Variants in COL5A1 observed in about 807,000 individuals in gnomAD.
COL5A1 encodes collagen alpha-1(V) chain.
Under a neutral mutation model 263.7 loss-of-function variants are expected in COL5A1, and 16 were observed. That is an observed-to-expected ratio of 0.06 (90% CI 0.04 to 0.09). The LOEUF is 0.09. COL5A1 is among the 10% of genes least tolerant of loss of function. COL5A1 has a pLI of 1.00. For missense variants in COL5A1, 2,036 were observed against 2,540.5 expected (o/e 0.80, Z 4.27); for synonymous variants, 1,012 against 1,004.5 (o/e 1.01, Z -0.14).
At chr9:134,725,908 T>C (rs1414620371) in intron 4 of COL5A1, among the ~76,000 whole-genome samples, 4 of 152,378 alleles carry the variant, frequency 2.6e-5, no homozygotes, top group South Asian at 2.1e-4. Flanking sequence ...AATGCTACTA[T>C]GAACACTTGT....
At chr9:134,687,458 T>TC (rs1423041419) in intron 1 of COL5A1, among the ~76,000 whole-genome samples, 283 of 140,248 alleles carry the variant, frequency 2.0e-3, no homozygotes, top group African/African-American at 7.1e-3. Context: ...CATCCATCCA[T>TC]CATCCATCCA....
intron 44 of COL5A1, 83 bp from the exon 45 acceptor site, chr9:134,811,256 C>T (rs906478066): frequency 2.3e-5 from 30 of 1,287,480 alleles, no homozygotes; most frequent in Non-Finnish European, 2.9e-5. Flanking sequence ...CATCAGTCCC[C>T]GGGCTCAGGA....
chr9:134,806,256 C>A lies in COL5A1; in HGVS notation c.3326C>A (p.Pro1109His), dbSNP rs1482501113. ...ATCGGAATTCCAGGGAGACCTGGGC[C>A]CCAGGGACCCCCAGGGCCGGCAGGA... ...GPIGIPGRPG[P>H]QGPPGPAGEK... is the part of the protein sequence containing the mutation. Residue 1109 changes from proline to histidine, a missense_variant, in exon 42 of 66, where the codon CCC becomes CAC. Pro to His is a moderately conservative substitution (Grantham distance 77, BLOSUM62 -2). This residue lies in a region of COL5A1 where 1,078 missense variants were observed against 1,521.4 expected (regional missense o/e 0.71). Coordinates refer to ENST00000371817, the MANE Select transcript of COL5A1 (RefSeq NM_000093.5). 3.2e-6 allele frequency: 5 copies of A among 1,549,740 alleles called. No homozygotes were observed. The highest frequency in any genetic ancestry group is 3.5e-6 in the Non-Finnish European group (4 of 1,146,832).
At chr9:134,740,761 C>T (rs1835272110) in intron 11 of COL5A1, among the ~76,000 whole-genome samples, 1 of 152,044 alleles carries the variant, frequency 6.6e-6, no homozygotes, top group Non-Finnish European at 1.5e-5. Flanking sequence ...GGTGGCCCTG[C>T]CAGTGCCTTG....
At chr9:134,707,151 G>T (rs1028619063) in intron 4 of COL5A1, among the ~76,000 whole-genome samples, 1 of 152,210 alleles carries the variant, frequency 6.6e-6, no homozygotes, top group Admixed American at 6.5e-5. Flanking sequence ...ATGACCAGGA[G>T]GGGGGCCGTG....
rs1838730428 is a variant in COL5A1, at chr9:134,815,992, A to G, written c.4122+4A>G. 6.2e-7 allele frequency: 1 copy of G among 1,614,062 alleles called. No homozygotes were observed. Among genetic ancestry groups the G allele is most frequent in the Admixed American group, 1.7e-5 (1 of 60,022 alleles). On this transcript the variant is annotated splice_donor_region_variant and intron_variant, in intron 52 of 65. Coordinates refer to ENST00000371817, the MANE Select transcript of COL5A1 (RefSeq NM_000093.5). ...TGATGGTGAACCCGGGCAGACGGTG[A>G]GTCCACAATCTGGGCTGGCTTCCTG...
chr9:134,663,161 C>T (rs951406825), intron 1 of COL5A1, among the ~76,000 whole-genome samples: 3 of 152,184 alleles, frequency 2.0e-5, no homozygotes, highest in African/African-American at 4.8e-5. Context: ...ATCCATCGGA[C>T]GCAGCCCCTA....
At chr9:134,744,735 TCACACACCTG>T (rs1835434299) in intron 11 of COL5A1, among the ~76,000 whole-genome samples, 1 of 146,670 alleles carries the variant, frequency 6.8e-6, no homozygotes, top group Non-Finnish European at 1.5e-5. Context: ...ACACATGCAC[TCACACACCTG>T]CACACACATT....
intron 43 of COL5A1, among the ~76,000 whole-genome samples, chr9:134,809,595 C>T (rs866271483): frequency 1.3e-5 from 2 of 152,348 alleles, no homozygotes; most frequent in African/African-American, 2.4e-5. Context: ...CCCCGGTCCC[C>T]CCGAATAATT....
At chr9:134,772,237 T>C (rs1239514799) in intron 25 of COL5A1, among the ~76,000 whole-genome samples, 1 of 152,242 alleles carries the variant, frequency 6.6e-6, no homozygotes, top group Non-Finnish European at 1.5e-5. Flanking sequence ...CGCACCAACC[T>C]TGCTTTGCTT....
intron 1 of COL5A1, among the ~76,000 whole-genome samples, chr9:134,665,011 C>T (rs1320428571): frequency 2.6e-5 from 4 of 152,166 alleles, no homozygotes; most frequent in Non-Finnish European, 5.9e-5. Context: ...CCAGCCTGGC[C>T]AACATGGTGG....
In COL5A1 at chr9:134,652,105, A is replaced by C. The variant is rs1255780465; in HGVS notation, c.109+9809A>C. On this transcript the variant is annotated intron_variant, in intron 1 of 65. Transcript: ENST00000371817. This position sits in a 1 kb window ranked among gnomAD's most constrained non-coding sequence, Gnocchi z 4.4. ...GTGTTCCCGCGGTCGAGGTGGGGTG[A>C]AGGGCGTTCTCGAGGGAAGGGTAGG... Among the ~76,000 whole-genome samples, 1 of 152,102 alleles carries C rather than the reference A, an allele frequency of 6.6e-6. No individual in the cohort carries two copies. Among genetic ancestry groups the C allele is most frequent in the Non-Finnish European group, 1.5e-5 (1 of 68,006 alleles).
At chr9:134,767,912 G>A (rs990780970) in intron 24 of COL5A1, among the ~76,000 whole-genome samples, 2 of 152,180 alleles carry the variant, frequency 1.3e-5, no homozygotes, top group African/African-American at 4.8e-5. Context: ...AATCCCCGGG[G>A]GGCCTGAGAA....
intron 4 of COL5A1, among the ~76,000 whole-genome samples, chr9:134,722,040 G>T: frequency 6.6e-6 from 1 of 152,262 alleles, no homozygotes; most frequent in Admixed American, 6.5e-5. Flanking sequence ...CACGGGGGTG[G>T]TGTAGGGCCT....
intron 4 of COL5A1, among the ~76,000 whole-genome samples, chr9:134,705,699 G>C (rs1833814664): frequency 1.3e-5 from 2 of 152,196 alleles, no homozygotes; most frequent in South Asian, 4.1e-4. Flanking sequence ...TTGGCGGTGA[G>C]AGCTGCTCTC....
chr9:134,743,943 C>T (rs1050367403), intron 11 of COL5A1, among the ~76,000 whole-genome samples: 8 of 152,162 alleles, frequency 5.3e-5, no homozygotes, highest in Non-Finnish European at 8.8e-5. Flanking sequence ...GTGGTCTCCC[C>T]AGGACCAGCC....
intron 1 of COL5A1, chr9:134,653,045 G>A (rs977976057): frequency 4.5e-5 from 10 of 223,598 alleles, no homozygotes; most frequent in African/African-American, 6.9e-5. Context: ...GAGGGCACCT[G>A]CCAGGGGAGA....
intron 4 of COL5A1, among the ~76,000 whole-genome samples, chr9:134,724,750 CAG>C (rs912824438): frequency 2.0e-5 from 3 of 152,314 alleles, no homozygotes; most frequent in African/African-American, 4.8e-5. Context: ...GGCTGCAGGC[CAG>C]AGTCTTCAAG....
intron 42 of COL5A1, among the ~76,000 whole-genome samples, chr9:134,808,229 T>C (rs1405733826): frequency 6.6e-6 from 1 of 152,168 alleles, no homozygotes; most frequent in Non-Finnish European, 1.5e-5. Flanking sequence ...CTCTATTCCA[T>C]GTTTCCCTTC....
Sources: gnomAD v4.1 joint callset for allele counts (sites outside exome capture counted in the v4.1 genomes callset) on GRCh38, gnomAD v4.1.1 for gene constraint, gnomAD v4.1.1 regional missense constraint, Gnocchi (gnomAD v3.1) non-coding constraint, MANE v1.5 for transcripts, NCBI Gene and HGNC (gene_info 2026-07-23, HGNC 2026-07-21) for gene names.